The following PHACTR1 variants were observed in gnomAD, a reference collection of about 807,000 sequenced individuals.
PHACTR1 encodes the protein RPEL repeat containing 1.
A neutral mutation model predicts 69.2 loss-of-function variants in PHACTR1; 16 were observed. That is an observed-to-expected ratio of 0.23 (90% CI 0.16 to 0.35). PHACTR1 has a LOEUF of 0.35. Ranked by LOEUF, PHACTR1 falls within the 10% of genes least tolerant of loss-of-function variation. The pLI is 1.00. For missense variants in PHACTR1, 510 were observed against 734.7 expected (o/e 0.69, Z 3.54); for synonymous variants, 312 against 284.5 (o/e 1.10, Z -0.97).
intron 5 of PHACTR1, among the ~76,000 whole-genome samples, chr6:13,122,104 C>A (rs1350543473): frequency 2.0e-5 from 3 of 152,172 alleles, no homozygotes; most frequent in African/African-American, 7.2e-5. Context: ...CGACAGCCAC[C>A]ACTCTTCAAT....
intron 4 of PHACTR1, among the ~76,000 whole-genome samples, chr6:12,915,858 T>C (rs982269192): frequency 6.6e-6 from 1 of 152,208 alleles, no homozygotes; most frequent in Non-Finnish European, 1.5e-5. Flanking sequence ...GGCCACAGCC[T>C]CATGACTGGT....
At chr6:12,808,879 G>A (rs1373270056) in intron 4 of PHACTR1, among the ~76,000 whole-genome samples, 3 of 150,100 alleles carry the variant, frequency 2.0e-5, no homozygotes, top group Non-Finnish European at 4.4e-5. Context: ...TTTCTTTGGG[G>A]GCGGTGGGTG....
rs113766014 is a variant in PHACTR1 at position 12,894,343 on chromosome 6, G to A, written c.250+144553G>A. 3.1e-3 allele frequency among the ~76,000 whole-genome samples: 468 copies of A among 152,330 alleles called. 3 individuals are homozygous for A. The highest frequency in any genetic ancestry group is 1.0e-2 in the African/African-American group (415 of 41,574). On this transcript the variant is annotated intron_variant, in intron 4 of 14. Transcript: ENST00000332995. ...ATTTGGGCGGGGCACAGTGGCTGAC[G>A]CCTATAATCTCAGCACTTTGGGAGT...
chr6:13,133,718 C>A (rs1202880002), intron 5 of PHACTR1, among the ~76,000 whole-genome samples: 1 of 152,064 alleles, frequency 6.6e-6, no homozygotes, highest in Non-Finnish European at 1.5e-5. Context: ...GGCTGCCACC[C>A]CGTCTGGGAA....
chr6:13,093,333 T>C (rs1813595304), intron 5 of PHACTR1, among the ~76,000 whole-genome samples: 1 of 152,202 alleles, frequency 6.6e-6, no homozygotes, highest in Non-Finnish European at 1.5e-5. Context: ...ATGTTAGCAT[T>C]CAGTTGTATT....
intron 4 of PHACTR1, among the ~76,000 whole-genome samples, chr6:12,755,615 T>C (rs1273724552): frequency 6.6e-6 from 1 of 152,016 alleles, no homozygotes; most frequent in African/African-American, 2.4e-5. Flanking sequence ...AAATATTAGT[T>C]ATATTTTTAA....
chr6:13,090,516 G>A (rs900907157), intron 5 of PHACTR1, among the ~76,000 whole-genome samples: 1 of 151,388 alleles, frequency 6.6e-6, no homozygotes, highest in Non-Finnish European at 1.5e-5. Flanking sequence ...AGTAGAGAGG[G>A]GTTTCACTAT....
chr6:13,024,836 T>C (rs928525701), intron 4 of PHACTR1, among the ~76,000 whole-genome samples: 5 of 152,200 alleles, frequency 3.3e-5, no homozygotes, highest in Admixed American at 3.3e-4. Context: ...CTCCCATCCT[T>C]GTCCCAGGTC....
rs1766885686 is a variant in PHACTR1 at position 13,211,798 on chromosome 6, C to G, written c.986+5662C>G. Among the ~76,000 whole-genome samples the G allele has an allele frequency of 3.3e-5, 5 of 152,208 alleles. No homozygotes were observed. The South Asian group carries it at 1.0e-3, about 31-fold the overall frequency. Reference sequence around the variant, plus strand: ...CCTGGCTTACTGCAGTTTCTCCCACCTGTTCTTCTGTGTCCACACCTGCTC... The same window carrying G: ...CCTGGCTTACTGCAGTTTCTCCCACGTGTTCTTCTGTGTCCACACCTGCTC... On this transcript the variant is annotated intron_variant, in intron 8 of 14. Transcript: ENST00000332995.
chr6:13,213,627 G>A (rs2127243222), intron 8 of PHACTR1, among the ~76,000 whole-genome samples: 1 of 152,314 alleles, frequency 6.6e-6, no homozygotes, highest in African/African-American at 2.4e-5. Context: ...CTTTGAAAAG[G>A]TGATTAGGCC....
At chr6:12,988,596 A>C (rs980179290) in intron 4 of PHACTR1, among the ~76,000 whole-genome samples, 2 of 152,170 alleles carry the variant, frequency 1.3e-5, no homozygotes, top group Non-Finnish European at 2.9e-5. Context: ...AAATTCCTTG[A>C]TCTTACCTCC....
At chr6:12,978,942 TG>T (rs1179140005) in intron 4 of PHACTR1, among the ~76,000 whole-genome samples, 1 of 152,252 alleles carries the variant, frequency 6.6e-6, no homozygotes. Flanking sequence ...CTTCTGCTTT[TG>T]TAGACCTTTG....
chr6:13,046,834 A>G (rs1377982940), intron 4 of PHACTR1, among the ~76,000 whole-genome samples: 1 of 152,088 alleles, frequency 6.6e-6, no homozygotes, highest in Non-Finnish European at 1.5e-5. Flanking sequence ...TCAAAAAACA[A>G]CAACAAAAAA....
At chr6:12,970,564 T>A (rs1049835709) in intron 4 of PHACTR1, among the ~76,000 whole-genome samples, 14 of 152,140 alleles carry the variant, frequency 9.2e-5, no homozygotes, top group Admixed American at 7.9e-4. Flanking sequence ...ATCGAGATCA[T>A]CCTGGCCAAC....
intron 4 of PHACTR1, among the ~76,000 whole-genome samples, chr6:12,921,806 GGGAGGGAGCAAGGGGGAAGGA>G (rs1787738259): frequency 7.0e-6 from 1 of 143,102 alleles, no homozygotes; most frequent in African/African-American, 2.6e-5. Flanking sequence ...AAGGAAGGGA[GGGAGGGAGCAAGGGGGAAGGA>G]AGGAAGGGAG....
At chr6:13,238,500 A>G (rs1158284750) in intron 10 of PHACTR1, among the ~76,000 whole-genome samples, 1 of 152,222 alleles carries the variant, frequency 6.6e-6, no homozygotes, top group African/African-American at 2.4e-5. Flanking sequence ...AGTCTACACC[A>G]TTGTTGCTAT....
chr6:13,211,763 G>T lies in PHACTR1; in HGVS notation c.986+5627G>T, dbSNP rs545614093. Reference sequence around the variant, plus strand: ...TCCTTCTTCTCCTGCCTGAGCCTCAGTCGGCCTTGCCTGGCTTACTGCAGT... The same window carrying T: ...TCCTTCTTCTCCTGCCTGAGCCTCATTCGGCCTTGCCTGGCTTACTGCAGT... On this transcript the variant is annotated intron_variant, in intron 8 of 14. Transcript: ENST00000332995. Among the ~76,000 whole-genome samples, 19 of 152,258 alleles carry T rather than the reference G, an allele frequency of 1.2e-4. No individual in the cohort carries two copies. In the South Asian group the frequency reaches 3.7e-3, roughly 30 times the overall value.
At chr6:12,821,625 T>C (rs532607732) in intron 4 of PHACTR1, among the ~76,000 whole-genome samples, 11 of 152,300 alleles carry the variant, frequency 7.2e-5, no homozygotes, top group African/African-American at 2.6e-4. Flanking sequence ...TCAATGTCTC[T>C]GTATGAATGC....
intron 4 of PHACTR1, among the ~76,000 whole-genome samples, chr6:12,955,780 T>C (rs773297273): frequency 2.5e-4 from 38 of 152,168 alleles, no homozygotes; most frequent in Non-Finnish European, 4.7e-4. Flanking sequence ...GGTTTACACA[T>C]TAATATTTTT....
Sources: allele counts gnomAD v4.1 joint callset (sites outside exome capture counted in the v4.1 genomes callset), GRCh38; gene constraint gnomAD v4.1.1; transcripts MANE v1.5; gene names NCBI Gene and HGNC (gene_info 2026-07-23, HGNC 2026-07-21).